The following PAX2 variants were observed in gnomAD, a reference collection of about 807,000 sequenced individuals.
The protein encoded by PAX2 is paired box protein Pax-2.
In PAX2, 9 loss-of-function variants were observed where a neutral mutation model predicts 41.7. That is an observed-to-expected ratio of 0.22 (90% CI 0.13 to 0.38). PAX2 has a LOEUF of 0.38. PAX2 is among the 10% of genes least tolerant of loss of function. The pLI is 1.00. For synonymous variants in PAX2, 221 were observed against 212.7 expected (o/e 1.04, Z -0.34); for missense variants, 418 against 531.6 (o/e 0.79, Z 2.10).
intron 5 of PAX2, among the ~76,000 whole-genome samples, chr10:100,795,827 A>G (rs1847309543): frequency 6.6e-6 from 1 of 152,250 alleles, no homozygotes; most frequent in African/African-American, 2.4e-5. Flanking sequence ...CTCCCTGACC[A>G]GGGCACTAGT....
In PAX2 at chr10:100,745,711, C is replaced by G; in HGVS notation, c.-550C>G. 3 of 915,396 alleles carry G rather than the reference C, an allele frequency of 3.3e-6. No homozygotes were observed. The highest frequency in any genetic ancestry group is 4.0e-6 in the Non-Finnish European group (3 of 756,048). The allele number at this position is 915,396 out of a possible 1,614,324, so 56.7% of individuals were successfully genotyped here. A position where few individuals can be genotyped will look rare whatever the true frequency, so the allele number is the denominator to read the frequency against. On this transcript the variant is annotated 5_prime_UTR_variant, in exon 1 of 10. Coordinates refer to ENST00000355243, the MANE Select transcript of PAX2 (RefSeq NM_000278.5). Reference sequence around the variant, plus strand: ...GGCGTGCGCCTGCCTTTTCCGGGGGCGGGGGCCTGGCCCGCGCGCTCCCCT... The same window carrying G: ...GGCGTGCGCCTGCCTTTTCCGGGGGGGGGGGCCTGGCCCGCGCGCTCCCCT...
At chr10:100,788,477 G>A (rs1470173575) in intron 5 of PAX2, among the ~76,000 whole-genome samples, 1 of 152,248 alleles carries the variant, frequency 6.6e-6, no homozygotes, top group African/African-American at 2.4e-5. Context: ...CTGGGCACTC[G>A]GGTGCAGCCT....
chr10:100,798,749 T>G (rs12570050), intron 5 of PAX2, among the ~76,000 whole-genome samples: 43,373 of 151,512 alleles, frequency 0.29, 6,535 homozygotes, highest in Middle Eastern at 0.47. Context: ...CCCCACCCAA[T>G]CCATCAATCC....
chr10:100,827,586 T>A lies in PAX2; in HGVS notation c.1152T>A (p.Pro384=). 1 of 1,612,802 alleles carries A rather than the reference T, an allele frequency of 6.2e-7. No homozygotes were observed. The highest frequency in any genetic ancestry group is 1.1e-5 in the South Asian group (1 of 91,026). Reference sequence around the variant, plus strand: ...GTGCCGCCCCCCGGGGCTCCGCCCCTGCCGCTGCTGCCGCTGCCTATGACC... The same window carrying A: ...GTGCCGCCCCCCGGGGCTCCGCCCCAGCCGCTGCTGCCGCTGCCTATGACC... ...YYSAAPRGSA[P]AAAAAAYDRH Residue 384 remains proline, a synonymous_variant, in exon 10 of 10, where the codon CCT becomes CCA. Coordinates refer to ENST00000355243, the MANE Select transcript of PAX2 (RefSeq NM_000278.5). This position sits in a 1 kb window ranked among gnomAD's most constrained non-coding sequence, Gnocchi z 8.5.
intron 5 of PAX2, chr10:100,787,127 T>A: frequency 2.1e-6 from 1 of 472,302 alleles, no homozygotes; most frequent in African/African-American, 2.0e-5. Flanking sequence ...AAGGAGGAGT[T>A]GGCTCAGGCT....
rs1848495689 is a variant in PAX2 at position 100,824,849 on chromosome 10, C to T, written c.1021+100C>T. 7.2e-6 allele frequency: 11 copies of T among 1,537,466 alleles called. No homozygotes were observed. In the South Asian group the frequency reaches 1.2e-4, roughly 17 times the overall value. ...AGTCTGAGGCTGGGGTGGGGGGAGA[C>T]ACAACGTCCCCTCCCTGCAAACCAC... On this transcript the variant is annotated intron_variant, in intron 8 of 9. Coordinates refer to ENST00000355243, the MANE Select transcript of PAX2 (RefSeq NM_000278.5). This position sits in a 1 kb window ranked among gnomAD's most constrained non-coding sequence, Gnocchi z 6.6.
intron 5 of PAX2, among the ~76,000 whole-genome samples, chr10:100,785,544 G>A (rs1846813028): frequency 6.6e-6 from 1 of 152,232 alleles, no homozygotes; most frequent in African/African-American, 2.4e-5. Flanking sequence ...TCCTGTCACT[G>A]CCTTTAATAG....
chr10:100,799,108 G>A (rs1275559360), intron 5 of PAX2, among the ~76,000 whole-genome samples: 1 of 152,216 alleles, frequency 6.6e-6, no homozygotes, highest in South Asian at 2.1e-4. Flanking sequence ...GGAGTAGCTA[G>A]GCAGAGAGAG....
upstream of PAX2, among the ~76,000 whole-genome samples, chr10:100,743,063 T>A (rs1431078828): frequency 6.6e-6 from 1 of 151,680 alleles, no homozygotes; most frequent in African/African-American, 2.4e-5. Flanking sequence ...ACTCTTTGAC[T>A]CTCTAGACCC....
Position 100,791,006 on chromosome 10 carries a change from C to A in PAX2, c.616+9641C>A, listed in dbSNP as rs947161703. Among the ~76,000 whole-genome samples the A allele has an allele frequency of 6.6e-6, 1 of 152,220 alleles. No homozygotes were observed. Among genetic ancestry groups the A allele is most frequent in the Non-Finnish European group, 1.5e-5 (1 of 68,034 alleles). On this transcript the variant is annotated intron_variant, in intron 5 of 9. Coordinates refer to ENST00000355243, the MANE Select transcript of PAX2 (RefSeq NM_000278.5). This position sits in a 1 kb window ranked among gnomAD's most constrained non-coding sequence, Gnocchi z 4.5. ...CTTCGGTGAACCTGAACCTGCTGAC[C>A]TTGACAGCACTAGACAACAGAGGCC...
At chr10:100,801,886 C>G (rs1040324309) in intron 5 of PAX2, among the ~76,000 whole-genome samples, 1 of 152,232 alleles carries the variant, frequency 6.6e-6, no homozygotes, top group African/African-American at 2.4e-5. Context: ...GCTTCATGGC[C>G]TTTGACAAGC....
chr10:100,740,043 C>G (rs1032855625), intron 1 of PAX2, among the ~76,000 whole-genome samples: 1 of 152,200 alleles, frequency 6.6e-6, no homozygotes, highest in African/African-American at 2.4e-5. Context: ...CTCCCTCCTT[C>G]GAGCCTCCTC....
Position 100,748,128 on chromosome 10 carries a change from C to A in PAX2, c.44-1618C>A. 1 of 985,192 alleles carries A rather than the reference C, an allele frequency of 1.0e-6. No individual in the cohort carries two copies. The highest frequency in any genetic ancestry group is 1.2e-6 in the Non-Finnish European group (1 of 829,916). 61.0% of individuals were successfully genotyped at this position (985,192 alleles called of 1,614,324 possible). A position where few individuals can be genotyped will look rare whatever the true frequency, so the allele number is the denominator to read the frequency against. ...CCCAGCCCTGGACTCCCGCCGTGTC[C>A]CCTTCCCATCCCCACCCCTTAGACT... is the stretch of plus-strand genomic sequence containing the variant. On this transcript the variant is annotated intron_variant, in intron 1 of 9. Coordinates refer to ENST00000355243, the MANE Select transcript of PAX2 (RefSeq NM_000278.5). The surrounding 1 kb of genome is among the most constrained non-coding windows in gnomAD (Gnocchi z 5.0).
At chr10:100,738,246 G>A (rs1003699345) in intron 1 of PAX2, among the ~76,000 whole-genome samples, 3 of 152,216 alleles carry the variant, frequency 2.0e-5, no homozygotes, top group Non-Finnish European at 4.4e-5. Flanking sequence ...ACAGCCTGAT[G>A]CCTCGCCGCC....
chr10:100,789,276 T>G (rs187804836), intron 5 of PAX2, among the ~76,000 whole-genome samples: 91 of 152,296 alleles, frequency 6.0e-4, no homozygotes, highest in Non-Finnish European at 9.0e-4. Flanking sequence ...TGGCTGATTT[T>G]TGTATTCTTA....
intron 6 of PAX2, among the ~76,000 whole-genome samples, chr10:100,807,692 G>A (rs1589883071): frequency 6.6e-6 from 1 of 152,072 alleles, no homozygotes; most frequent in East Asian, 1.9e-4. Flanking sequence ...CAGCACACCC[G>A]CTCCCACACA....
At position 100,827,118 on chromosome 10, in the gene PAX2, C is replaced by A. The variant is rs765415698; in HGVS notation, c.1108+23C>A. 26 of 1,592,102 alleles carry A rather than the reference C, an allele frequency of 1.6e-5. No homozygotes were observed. In the South Asian group the frequency reaches 2.3e-4, roughly 14 times the overall value. ...TAAGTGAGTACGCCACCTGGCTGGCCGGCGGCTCAGCGCGGCCGCGCGGCT... is the reference window on the plus strand; with the variant it reads ...TAAGTGAGTACGCCACCTGGCTGGCAGGCGGCTCAGCGCGGCCGCGCGGCT... On this transcript the variant is annotated intron_variant, in intron 9 of 9. Transcript: ENST00000355243. This position sits in a 1 kb window ranked among gnomAD's most constrained non-coding sequence, Gnocchi z 8.5.
intron 1 of PAX2, among the ~76,000 whole-genome samples, chr10:100,739,893 G>C (rs1844893593): frequency 6.6e-6 from 1 of 152,248 alleles, no homozygotes. Context: ...CCCGGCCTAG[G>C]GGAGGAGGGG....
intron 1 of PAX2, among the ~76,000 whole-genome samples, chr10:100,736,533 G>T (rs544510932): frequency 5.6e-4 from 85 of 152,200 alleles, no homozygotes; most frequent in Non-Finnish European, 2.2e-4. Flanking sequence ...AGAGGTCAAG[G>T]CCTAATTTGA....
Sources: gnomAD v4.1 joint callset for allele counts (sites outside exome capture counted in the v4.1 genomes callset) on GRCh38, gnomAD v4.1.1 for gene constraint, Gnocchi (gnomAD v3.1) non-coding constraint, MANE v1.5 for transcripts, NCBI Gene and HGNC (gene_info 2026-07-23, HGNC 2026-07-21) for gene names.